Variants in SH3GL2 observed in about 807,000 individuals in gnomAD.
SH3GL2 encodes endophilin-A1.
In SH3GL2, 24 loss-of-function variants were observed where a neutral mutation model predicts 46.0. The ratio of observed to expected loss-of-function variants is 0.52; its 90% CI spans 0.38 to 0.73. SH3GL2 has a LOEUF of 0.73. SH3GL2 is among the 30% of genes least tolerant of loss of function. The probability of loss-of-function intolerance (pLI) is 0.00; values close to 1 mark genes in which losing one functional copy is unlikely to be tolerated. For synonymous variants in SH3GL2, 196 were observed against 147.1 expected, an observed-to-expected ratio of 1.33 and a Z score of -2.40; for missense variants, 413 against 424.2, an observed-to-expected ratio of 0.97 and a Z score of 0.23.
intron 1 of SH3GL2, among the ~76,000 whole-genome samples, chr9:17,743,601 C>CACACACACACACACACACACACA (rs1554645790): frequency 6.9e-6 from 1 of 145,738 alleles, no homozygotes; most frequent in African/African-American, 2.7e-5. Context: ...CACACACACA[C>CACACACACACACACACACACACA]CCCAAATAGT....
intron 1 of SH3GL2, among the ~76,000 whole-genome samples, chr9:17,628,419 TG>T (rs1819338261): frequency 2.9e-5 from 1 of 34,354 alleles, no homozygotes; most frequent in African/African-American, 1.5e-4. Context: ...TGGGTGTGTG[TG>T]TGTGTGTGTG....
At chr9:17,627,047 A>G (rs953242454) in intron 1 of SH3GL2, among the ~76,000 whole-genome samples, 5 of 152,130 alleles carry the variant, frequency 3.3e-5, no homozygotes, top group Admixed American at 2.0e-4. Context: ...AATTGTCACA[A>G]CTACCCTGTA....
intron 1 of SH3GL2, among the ~76,000 whole-genome samples, chr9:17,636,093 G>T (rs552872530): frequency 2.0e-4 from 31 of 152,280 alleles, no homozygotes; most frequent in Middle Eastern, 3.4e-3. Context: ...GGAGTTAGAT[G>T]TTGGGGTTTC....
At chr9:17,670,335 T>G (rs2182083) in intron 1 of SH3GL2, among the ~76,000 whole-genome samples, 4 of 152,002 alleles carry the variant, frequency 2.6e-5, no homozygotes, top group Non-Finnish European at 5.9e-5. Flanking sequence ...GGGCTGCTTT[T>G]TGTTAGAAGG....
In SH3GL2 at chr9:17,579,225, A is replaced by G; in HGVS notation, c.-18A>G. The G allele has an allele frequency of 6.5e-7, 1 of 1,542,260 alleles. No homozygotes were observed. Among genetic ancestry groups the G allele is most frequent in the Non-Finnish European group, 8.7e-7 (1 of 1,145,878 alleles). On this transcript the variant is annotated 5_prime_UTR_variant, in exon 1 of 9. Transcript: ENST00000380607. ...TCCTCCCTCCCGCACAGCAGCCGCC[A>G]GCGCGGCCTCCTGCACCATGTCGGT...
intron 1 of SH3GL2, among the ~76,000 whole-genome samples, chr9:17,604,560 C>T (rs563857276): frequency 6.6e-6 from 1 of 152,142 alleles, no homozygotes; most frequent in Non-Finnish European, 1.5e-5. Flanking sequence ...AGTTCTCTGT[C>T]CTTAGCCATG....
intron 1 of SH3GL2, among the ~76,000 whole-genome samples, chr9:17,646,638 C>G (rs1819824959): frequency 6.6e-6 from 1 of 152,142 alleles, no homozygotes; most frequent in African/African-American, 2.4e-5. Context: ...CTGTCTTCTG[C>G]AGGCCTGATG....
intron 1 of SH3GL2, among the ~76,000 whole-genome samples, chr9:17,739,944 G>T (rs970542140): frequency 6.6e-6 from 1 of 152,048 alleles, no homozygotes; most frequent in African/African-American, 2.4e-5. Flanking sequence ...AAAGTGTTTG[G>T]CAAGGAACAA....
intron 3 of SH3GL2, among the ~76,000 whole-genome samples, chr9:17,776,749 C>T (rs1439821104): frequency 6.6e-6 from 1 of 150,962 alleles, no homozygotes; most frequent in Non-Finnish European, 1.5e-5. Context: ...TAAAACTTGC[C>T]ACAAGCTGGG....
chr9:17,590,355 G>A (rs1313546015), intron 1 of SH3GL2: 2 of 152,142 alleles, frequency 1.3e-5, no homozygotes. Flanking sequence ...CAGTACTGTA[G>A]TTAAGAGTTT....
intron 1 of SH3GL2, among the ~76,000 whole-genome samples, chr9:17,614,975 CCA>C (rs774902672): frequency 5.9e-5 from 9 of 152,184 alleles, no homozygotes; most frequent in Non-Finnish European, 1.2e-4. Context: ...CCTCCAGCAA[CCA>C]CAGAGGTGCC....
At chr9:17,762,826 C>G (rs1312763046) in intron 3 of SH3GL2, among the ~76,000 whole-genome samples, 2 of 152,162 alleles carry the variant, frequency 1.3e-5, no homozygotes, top group African/African-American at 4.8e-5. Flanking sequence ...CTTGGATGCA[C>G]ATTTATTCCT....
intron 1 of SH3GL2, among the ~76,000 whole-genome samples, chr9:17,719,327 C>T (rs996795659): frequency 2.6e-5 from 4 of 152,126 alleles, no homozygotes; most frequent in Admixed American, 2.6e-4. Context: ...TGTGAGTTAA[C>T]TATTTATAGA....
intron 1 of SH3GL2, among the ~76,000 whole-genome samples, chr9:17,656,280 T>A (rs1427598334): frequency 6.6e-6 from 1 of 152,300 alleles, no homozygotes; most frequent in Non-Finnish European, 1.5e-5. Flanking sequence ...TATTAGAGGA[T>A]GTTTTAATAT....
At chr9:17,698,567 A>G (rs10810830) in intron 1 of SH3GL2, among the ~76,000 whole-genome samples, 30,210 of 152,142 alleles carry the variant, frequency 0.2, 3,798 homozygotes, top group East Asian at 0.38. Context: ...TAATATGAAG[A>G]GATAAAATTC....
intron 1 of SH3GL2, among the ~76,000 whole-genome samples, chr9:17,608,381 C>T (rs923913948): frequency 1.3e-5 from 2 of 152,078 alleles, no homozygotes; most frequent in African/African-American, 4.8e-5. Context: ...CTCCTGACCT[C>T]GTGATCTGCC....
At chr9:17,621,697 C>A (rs757889146) in intron 1 of SH3GL2, among the ~76,000 whole-genome samples, 12 of 152,158 alleles carry the variant, frequency 7.9e-5, no homozygotes, top group Non-Finnish European at 7.3e-5. Context: ...CTAGGACTCA[C>A]TAAAAGATGC....
intron 1 of SH3GL2, among the ~76,000 whole-genome samples, chr9:17,664,875 A>G (rs1445582399): frequency 1.3e-5 from 2 of 151,944 alleles, no homozygotes; most frequent in African/African-American, 2.4e-5. Flanking sequence ...TATTCAAACC[A>G]CAAGGGAATA....
At chr9:17,688,272 A>G (rs989969906) in intron 1 of SH3GL2, among the ~76,000 whole-genome samples, 1 of 151,998 alleles carries the variant, frequency 6.6e-6, no homozygotes, top group Non-Finnish European at 1.5e-5. Context: ...AACCACTGGA[A>G]TTGCCTTTTG....
Sources: gnomAD v4.1 joint callset for allele counts (sites outside exome capture counted in the v4.1 genomes callset) on GRCh38, gnomAD v4.1.1 for gene constraint, MANE v1.5 for transcripts, NCBI Gene and HGNC (gene_info 2026-07-23, HGNC 2026-07-21) for gene names.